TRPM8: variants seen among roughly 807,000 people sequenced by gnomAD.
TRPM8 encodes TRPM8 cationic channel.
Under a neutral mutation model 133.7 loss-of-function variants are expected in TRPM8, and 110 were observed. The observed-to-expected ratio is 0.82, with a 90% CI of 0.70 to 0.96. The LOEUF (loss-of-function observed/expected upper bound fraction) is 0.96. Among genes scored for constraint, TRPM8 ranks in the 40% least tolerant of loss-of-function variants. TRPM8 has a pLI of 0.00. For synonymous variants in TRPM8, 535 were observed against 532.3 expected (o/e 1.01, Z -0.07); for missense variants, 1,291 against 1,379.5 (o/e 0.94, Z 1.02).
intron 3 of TRPM8, among the ~76,000 whole-genome samples, chr2:233,937,023 A>G: frequency 6.6e-6 from 1 of 150,950 alleles, no homozygotes; most frequent in African/African-American, 2.4e-5. Flanking sequence ...CAGCCTCCAG[A>G]GTAGCTGGGA....
chr2:234,001,442 G>C (rs1692561283), intron 22 of TRPM8, among the ~76,000 whole-genome samples: 1 of 140,890 alleles, frequency 7.1e-6, no homozygotes, highest in African/African-American at 2.7e-5. Flanking sequence ...GTCTAAGTAG[G>C]GGAACAAAAG....
chr2:233,926,552 A>AGCCAG lies in TRPM8; in HGVS notation c.18_22dup (p.Leu8ProfsTer5). The AGCCAG allele has an allele frequency of 6.2e-7, 1 of 1,614,064 alleles. No homozygotes were observed. Among genetic ancestry groups the AGCCAG allele is most frequent in the Non-Finnish European group, 8.5e-7 (1 of 1,179,960 alleles). On this transcript the variant is annotated frameshift_variant, in exon 2 of 26. Transcript: ENST00000324695. LOFTEE classifies it high-confidence loss of function. ...TCACAGAAAAGATGTCCTTTCGGGC[A>AGCCAG]GCCAGGCTCAGCATGAGGAACAGAA... is the stretch of plus-strand genomic sequence containing the variant.
intron 6 of TRPM8, among the ~76,000 whole-genome samples, chr2:233,943,316 C>T (rs565865713): frequency 6.6e-6 from 1 of 152,120 alleles, no homozygotes; most frequent in Admixed American, 6.5e-5. Context: ...TGGGAACCAA[C>T]CCAAATGTCC....
intron 1 of TRPM8, 69 bp downstream of exon 1, chr2:233,917,501 C>T (rs561404952): frequency 1.4e-4 from 21 of 152,172 alleles, no homozygotes; most frequent in African/African-American, 4.6e-4. Context: ...TAGAATAGTA[C>T]GAGTTTGTGT....
At chr2:234,015,069 A>C (rs538293796) in intron 25 of TRPM8, among the ~76,000 whole-genome samples, 1 of 152,328 alleles carries the variant, frequency 6.6e-6, no homozygotes, top group South Asian at 2.1e-4. Context: ...TATTCTCATG[A>C]TATTATATTT....
intron 22 of TRPM8, among the ~76,000 whole-genome samples, chr2:234,003,070 G>A (rs1692609131): frequency 1.3e-5 from 2 of 152,128 alleles, no homozygotes; most frequent in South Asian, 2.1e-4. Flanking sequence ...AAGAAGCATC[G>A]TTTTTTGTGG....
chr2:234,012,379 C>A (rs1230871326), intron 24 of TRPM8, among the ~76,000 whole-genome samples: 3 of 151,850 alleles, frequency 2.0e-5, no homozygotes, highest in Non-Finnish European at 4.4e-5. Flanking sequence ...ATCTCCTGAC[C>A]TTGTGATCTG....
intron 1 of TRPM8, among the ~76,000 whole-genome samples, chr2:233,921,738 G>A (rs929168646): frequency 3.5e-5 from 5 of 141,776 alleles, no homozygotes; most frequent in South Asian, 2.3e-4. Flanking sequence ...GTGCAGGGGC[G>A]TGATCTCGGA....
chr2:233,988,406 C>T (rs1316514139), intron 21 of TRPM8, among the ~76,000 whole-genome samples: 1 of 152,126 alleles, frequency 6.6e-6, no homozygotes, highest in South Asian at 2.1e-4. Flanking sequence ...ACAACCTTCT[C>T]TCCTTGAGAA....
rs1691965712 is a variant in TRPM8 at position 233,979,979 on chromosome 2, G to A, written c.2356-209G>A. The A allele has an allele frequency of 8.6e-6, 5 of 579,362 alleles. No individual in the cohort carries two copies. The East Asian group carries it at 9.1e-5, about 11-fold the overall frequency. The allele number at this position is 579,362 out of a possible 1,614,324, so 35.9% of individuals were successfully genotyped here. A position where few individuals can be genotyped will look rare whatever the true frequency, so the allele number is the denominator to read the frequency against. The stretch of plus-strand genomic sequence containing the variant: ...TCCTGACTTTGCCAGCAGACATGAA[G>A]AGCAGAACAGCCAGTGTGCTACCTA... On this transcript the variant is annotated intron_variant, in intron 17 of 25. Transcript: ENST00000324695.
rs576889276 is a variant in TRPM8, at chr2:233,952,976, G to T, written c.1141-941G>T. 3.3e-5 allele frequency among the ~76,000 whole-genome samples: 5 copies of T among 152,236 alleles called. No individual in the cohort carries two copies. The East Asian group carries it at 9.7e-4, about 29-fold the overall frequency. On this transcript the variant is annotated intron_variant, in intron 9 of 25. Transcript: ENST00000324695. ...CTATTCTTCAGTCTGAACAAAGGCTGCAGACAGATGAAGAGAGCCTTTCCT... is the reference window on the plus strand; with the variant it reads ...CTATTCTTCAGTCTGAACAAAGGCTTCAGACAGATGAAGAGAGCCTTTCCT...
chr2:233,969,866 C>T (rs1348691703), intron 16 of TRPM8, 59 bp downstream of exon 16: 3 of 1,023,500 alleles, frequency 2.9e-6, no homozygotes, highest in Admixed American at 3.5e-5. Context: ...GTACATGCAT[C>T]CACATATGTG....
At position 233,930,775 on chromosome 2, in the gene TRPM8, C is replaced by G. The variant is rs1691664820; in HGVS notation, c.191+34C>G. 8 of 1,509,710 alleles carry G rather than the reference C, an allele frequency of 5.3e-6. No homozygotes were observed. In the South Asian group the frequency reaches 8.2e-5, roughly 15 times the overall value. The allele number at this position is 1,509,710 out of a possible 1,614,324, so 93.5% of individuals were successfully genotyped here. On this transcript the variant is annotated intron_variant, in intron 3 of 25. Coordinates refer to ENST00000324695, the MANE Select transcript of TRPM8 (RefSeq NM_024080.5). ...CTATTTTCCCTCCAGTTTTGCTTTC[C>G]AAGTTCAAAAAAATTATCAGCCACC...
At chr2:234,011,876 C>T (rs1480825772) in intron 24 of TRPM8, among the ~76,000 whole-genome samples, 1 of 134,662 alleles carries the variant, frequency 7.4e-6, no homozygotes, top group East Asian at 2.2e-4. Flanking sequence ...GAGATCGCGC[C>T]ACTGCACTCC....
At chr2:234,005,064 T>C (rs1212084976) in intron 22 of TRPM8, among the ~76,000 whole-genome samples, 2 of 152,222 alleles carry the variant, frequency 1.3e-5, no homozygotes, top group African/African-American at 4.8e-5. Context: ...GTTCTATGCA[T>C]TCGTTTCTGA....
At chr2:234,011,400 T>C (rs760756206) in intron 24 of TRPM8, among the ~76,000 whole-genome samples, 4 of 152,218 alleles carry the variant, frequency 2.6e-5, no homozygotes, top group Non-Finnish European at 4.4e-5. Flanking sequence ...GTGTGATGCT[T>C]CCAGCTTAGT....
intron 17 of TRPM8, among the ~76,000 whole-genome samples, chr2:233,979,733 T>C (rs1691959424): frequency 6.6e-6 from 1 of 152,230 alleles, no homozygotes; most frequent in Non-Finnish European, 1.5e-5. Flanking sequence ...AAAAAAGATT[T>C]CTTTTAATCA....
At chr2:233,943,732 A>G (rs1333210069) in intron 6 of TRPM8, among the ~76,000 whole-genome samples, 1 of 152,180 alleles carries the variant, frequency 6.6e-6, no homozygotes, top group East Asian at 1.9e-4. Context: ...TAGAATTTTG[A>G]AAACAACATT....
intron 6 of TRPM8, among the ~76,000 whole-genome samples, chr2:233,944,164 A>G (rs949576747): frequency 1.7e-4 from 26 of 152,174 alleles, no homozygotes; most frequent in African/African-American, 6.3e-4. Flanking sequence ...GTGCAGAGTG[A>G]ATGGTAGCTT....
Sources: allele counts gnomAD v4.1 joint callset (sites outside exome capture counted in the v4.1 genomes callset), GRCh38; gene constraint gnomAD v4.1.1; transcripts MANE v1.5; gene names NCBI Gene and HGNC (gene_info 2026-07-23, HGNC 2026-07-21).